PRORP: variants seen among roughly 807,000 people sequenced by gnomAD.
PRORP encodes the protein mitochondrial ribonuclease P catalytic subunit.
Under a neutral mutation model 59.4 loss-of-function variants are expected in PRORP, and 51 were observed. The ratio of observed to expected loss-of-function variants is 0.86; its 90% CI spans 0.69 to 1.08. PRORP has a LOEUF of 1.08. Ranked by LOEUF, PRORP falls within the 50% of genes least tolerant of loss-of-function variation. The pLI, the probability that PRORP is intolerant of heterozygous loss-of-function variation, is 0.00. For missense variants in PRORP, 646 were observed against 690.3 expected, an observed-to-expected ratio of 0.94 and a Z score of 0.72; for synonymous variants, 231 against 245.6, an observed-to-expected ratio of 0.94 and a Z score of 0.55.
chr14:35,253,848 G>A (rs1442041669), intron 5 of PRORP, among the ~76,000 whole-genome samples: 3 of 151,726 alleles, frequency 2.0e-5, no homozygotes, highest in African/African-American at 7.3e-5. Context: ...GCTTTTCTTA[G>A]TACCCCATCC....
intron 4 of PRORP, among the ~76,000 whole-genome samples, chr14:35,143,163 T>G (rs1362836290): frequency 1.4e-5 from 2 of 146,216 alleles, no homozygotes; most frequent in African/African-American, 4.9e-5. Flanking sequence ...TTTTTTGTTT[T>G]GTTTTAAGCG....
At chr14:35,235,356 C>CA (rs2050184072) in intron 5 of PRORP, 7 of 702,880 alleles carry the variant, frequency 1.0e-5, no homozygotes, top group Non-Finnish European at 2.6e-6. Context: ...TCCGAGTTAA[C>CA]CTGTGTAAAG....
chr14:35,186,068 A>G (rs2048733040), intron 5 of PRORP, among the ~76,000 whole-genome samples: 1 of 152,090 alleles, frequency 6.6e-6, no homozygotes, highest in Admixed American at 6.5e-5. Flanking sequence ...GGGGACTATA[A>G]AGTCCCTGGG....
intron 5 of PRORP, among the ~76,000 whole-genome samples, chr14:35,218,538 TTTTG>T (rs745583158): frequency 0.07 from 3,646 of 52,272 alleles, 204 homozygotes; most frequent in African/African-American, 0.21. Context: ...TTTTTTTTTT[TTTTG>T]TTGAGACAGA....
At chr14:35,163,783 A>C (rs892239489) in intron 4 of PRORP, among the ~76,000 whole-genome samples, 1 of 152,128 alleles carries the variant, frequency 6.6e-6, no homozygotes, top group Admixed American at 6.5e-5. Flanking sequence ...ATTAGGTCCC[A>C]CTTGTCAATT....
chr14:35,210,750 CTTTTTTTTTTTTTTTTTTT>C (rs71435870), intron 5 of PRORP, among the ~76,000 whole-genome samples: 1 of 34,070 alleles, frequency 2.9e-5, no homozygotes, highest in Non-Finnish European at 5.0e-5. Flanking sequence ...TTTCTTTTGC[CTTTTTTTTTTTTTTTTTTT>C]TTTTTTTTTT....
chr14:35,141,671 C>A (rs549097196), intron 4 of PRORP, among the ~76,000 whole-genome samples: 1 of 145,390 alleles, frequency 6.9e-6, no homozygotes, highest in East Asian at 2.3e-4. Context: ...CAAACATAAT[C>A]AAAAAGAGAC....
At chr14:35,154,901 T>TG (rs2047872874) in intron 4 of PRORP, among the ~76,000 whole-genome samples, 1 of 148,434 alleles carries the variant, frequency 6.7e-6, no homozygotes, top group African/African-American at 2.5e-5. Flanking sequence ...GAGTTAAAAC[T>TG]CTTTTTTTTT....
chr14:35,163,062 T>G (rs960161761), intron 4 of PRORP, among the ~76,000 whole-genome samples: 2 of 152,160 alleles, frequency 1.3e-5, no homozygotes, highest in Admixed American at 6.5e-5. Context: ...CTATTAGAGC[T>G]AATTTTTATA....
intron 4 of PRORP, among the ~76,000 whole-genome samples, chr14:35,151,450 A>C (rs2047742922): frequency 6.6e-6 from 1 of 152,156 alleles, no homozygotes; most frequent in South Asian, 2.1e-4. Context: ...ATCTTTATAC[A>C]CATGTATAGT....
chr14:35,259,998 T>TTG (rs2050860944), intron 5 of PRORP, among the ~76,000 whole-genome samples: 1 of 143,970 alleles, frequency 6.9e-6, no homozygotes, highest in Non-Finnish European at 1.5e-5. Flanking sequence ...TTCGGGTTTT[T>TTG]TTTTTTTTTT....
intron 5 of PRORP, among the ~76,000 whole-genome samples, chr14:35,223,499 G>A (rs1014497776): frequency 8.9e-5 from 11 of 123,128 alleles, no homozygotes; most frequent in East Asian, 5.0e-4. Flanking sequence ...TCACTCTCTC[G>A]CCCAGGCTGG....
At chr14:35,149,510 G>A (rs1005953016) in intron 4 of PRORP, among the ~76,000 whole-genome samples, 5 of 152,086 alleles carry the variant, frequency 3.3e-5, no homozygotes, top group African/African-American at 9.7e-5. Context: ...ACCATGACTG[G>A]CACCTTGCAT....
chr14:35,273,282 CAG>C (rs1186070020), intron 7 of PRORP, among the ~76,000 whole-genome samples, 151 bp from the exon 8 acceptor site: 2 of 152,216 alleles, frequency 1.3e-5, no homozygotes, highest in Admixed American at 1.3e-4. Context: ...CTCATCTTCA[CAG>C]AGTTTGCTGC....
chr14:35,123,400 C>T lies in PRORP; in HGVS notation c.155C>T (p.Ser52Phe), dbSNP rs372174020. The T allele has an allele frequency of 4.6e-5, 74 of 1,614,068 alleles. No individual in the cohort carries two copies. The highest frequency in any genetic ancestry group is 5.9e-5 in the Non-Finnish European group (70 of 1,180,044). ...AGGTTGTTTTCTCTTAAAACAATGTCTCCACAGAATACCAAAGCAACGAAT... is the reference window on the plus strand; with the variant it reads ...AGGTTGTTTTCTCTTAAAACAATGTTTCCACAGAATACCAAAGCAACGAAT... Reference protein sequence around the residue: ...QQRLFSLKTMSPQNTKATNLI... With the variant: ...QQRLFSLKTMFPQNTKATNLI... The change falls in exon 2 of 8, where the codon TCT (serine) becomes TTT (phenylalanine). Residue 52 changes from serine to phenylalanine, a missense_variant. Transcript: ENST00000534898.
intron 5 of PRORP, among the ~76,000 whole-genome samples, chr14:35,207,926 T>TGG (rs1338392600): frequency 6.6e-6 from 1 of 151,738 alleles, no homozygotes; most frequent in East Asian, 1.9e-4. Flanking sequence ...CCGAGGCGGG[T>TGG]GGATCACAAG....
chr14:35,162,372 TCAAA>T (rs1362020370), intron 4 of PRORP, among the ~76,000 whole-genome samples: 4 of 152,112 alleles, frequency 2.6e-5, no homozygotes, highest in African/African-American at 9.7e-5. Context: ...CAGTGTGTTA[TCAAA>T]CATTTTGATC....
intron 4 of PRORP, among the ~76,000 whole-genome samples, chr14:35,150,182 C>G (rs1566457624): frequency 6.6e-6 from 1 of 152,202 alleles, no homozygotes; most frequent in Non-Finnish European, 1.5e-5. Context: ...TCACTAAGCT[C>G]AGTGATTTCA....
chr14:35,236,900 T>C (rs1321999520), intron 5 of PRORP, among the ~76,000 whole-genome samples: 1 of 151,492 alleles, frequency 6.6e-6, no homozygotes, highest in East Asian at 1.9e-4. Flanking sequence ...TAATTATTTC[T>C]CTCTCTCTCT....
Sources: gnomAD v4.1 joint callset for allele counts (sites outside exome capture counted in the v4.1 genomes callset) on GRCh38, gnomAD v4.1.1 for gene constraint, MANE v1.5 for transcripts, NCBI Gene and HGNC (gene_info 2026-07-23, HGNC 2026-07-21) for gene names.